Variants in RAB30 observed in about 807,000 individuals in gnomAD.
The protein encoded by RAB30 is ras-related protein Rab-30.
Under a neutral mutation model 25.1 loss-of-function variants are expected in RAB30, and 9 were observed. The observed-to-expected ratio is 0.36, with a 90% CI of 0.22 to 0.63. RAB30 has a LOEUF of 0.63. Among genes scored for constraint, RAB30 ranks in the 20% least tolerant of loss-of-function variants. The pLI, the probability that RAB30 is intolerant of heterozygous loss-of-function variation, is 0.69. For missense variants in RAB30, 140 were observed against 243.5 expected, an observed-to-expected ratio of 0.58 and a Z score of 2.83; for synonymous variants, 77 against 86.4, an observed-to-expected ratio of 0.89 and a Z score of 0.60.
chr11:83,003,815 A>T (rs944373946), intron 1 of RAB30, among the ~76,000 whole-genome samples: 2 of 152,066 alleles, frequency 1.3e-5, no homozygotes, highest in Admixed American at 6.6e-5. Context: ...AATTATATAA[A>T]TTTTTTTCTA....
intron 1 of RAB30, among the ~76,000 whole-genome samples, chr11:83,001,991 T>C (rs1048214505): frequency 3.3e-5 from 5 of 152,188 alleles, no homozygotes; most frequent in Non-Finnish European, 5.9e-5. Context: ...CATATTATTA[T>C]CCCTAACTTG....
chr11:82,976,120 G>A lies in RAB30; in HGVS notation c.*6045C>T, dbSNP rs766032247. ...ACAGTAGTAATGCCCAAAGGCAAAA[G>A]GATGGATCAGACAAATGAATTCCTT... On this transcript the variant is annotated 3_prime_UTR_variant, in exon 5 of 5. Transcript: ENST00000527633. 6 of 152,126 alleles carry A rather than the reference G, an allele frequency of 3.9e-5. No homozygotes were observed. The highest frequency in any genetic ancestry group is 8.8e-5 in the Non-Finnish European group (6 of 67,996). The allele number at this position is 152,126 out of a possible 1,614,324, so 9.4% of individuals were successfully genotyped here. A position where few individuals can be genotyped will look rare whatever the true frequency, so the allele number is the denominator to read the frequency against.
chr11:82,978,743 T>C lies in RAB30; in HGVS notation c.*3422A>G, dbSNP rs769161214. 1 of 152,156 alleles carries C rather than the reference T, an allele frequency of 6.6e-6. No individual in the cohort carries two copies. The highest frequency in any genetic ancestry group is 1.5e-5 in the Non-Finnish European group (1 of 68,016). The allele number at this position is 152,156 out of a possible 1,614,324, so 9.4% of individuals were successfully genotyped here. A position where few individuals can be genotyped will look rare whatever the true frequency, so the allele number is the denominator to read the frequency against. ...AGTGTCCTCCCAAGGCATATATTCA[T>C]GAATGAAAGAAGATAAGAACCCAGT... On this transcript the variant is annotated 3_prime_UTR_variant, in exon 5 of 5. Transcript: ENST00000527633.
chr11:83,016,557 A>G (rs1038826014), intron 1 of RAB30, among the ~76,000 whole-genome samples: 7 of 152,232 alleles, frequency 4.6e-5, no homozygotes, highest in African/African-American at 1.7e-4. Flanking sequence ...CTAATTACAA[A>G]TTACAAAGAT....
chr11:83,051,682 G>GT (rs1858360587), intron 1 of RAB30, among the ~76,000 whole-genome samples: 1 of 150,052 alleles, frequency 6.7e-6, no homozygotes, highest in Non-Finnish European at 1.5e-5. Flanking sequence ...AGCACTTACA[G>GT]TTAAAAAAAA....
intron 3 of RAB30, among the ~76,000 whole-genome samples, chr11:82,990,266 C>A (rs1442023848): frequency 6.6e-6 from 1 of 152,198 alleles, no homozygotes; most frequent in Non-Finnish European, 1.5e-5. Context: ...TCTTTGAGAG[C>A]AAAGGCTGTC....
At chr11:83,038,685 G>C (rs971913392) in intron 1 of RAB30, 2 of 152,138 alleles carry the variant, frequency 1.3e-5, no homozygotes, top group African/African-American at 4.8e-5. Context: ...GCCAGGCATG[G>C]TGGTGGGCGC....
chr11:83,034,409 G>C (rs1857943157), intron 1 of RAB30: 1 of 152,228 alleles, frequency 6.6e-6, no homozygotes, highest in Non-Finnish European at 1.5e-5. Context: ...CAAAGAGCAG[G>C]GAAGAAAATC....
intron 1 of RAB30, among the ~76,000 whole-genome samples, chr11:83,003,773 T>C (rs1352266388): frequency 1.3e-5 from 2 of 151,984 alleles, no homozygotes; most frequent in Non-Finnish European, 2.9e-5. Context: ...TTATTACAAA[T>C]TTGTTAATTT....
intron 1 of RAB30, among the ~76,000 whole-genome samples, chr11:83,023,000 C>T (rs886414143): frequency 2.6e-5 from 4 of 151,646 alleles, no homozygotes; most frequent in African/African-American, 9.7e-5. Flanking sequence ...TATATATACA[C>T]ATACACACAA....
rs1856578154 is a variant in RAB30 at position 82,978,231 on chromosome 11, AAAAG to A, written c.*3930_*3933del. 6.6e-6 allele frequency: 1 copy of A among 152,226 alleles called. No homozygotes were observed. The highest frequency in any genetic ancestry group is 6.5e-5 in the Admixed American group (1 of 15,280). The allele number at this position is 152,226 out of a possible 1,614,324, so 9.4% of individuals were successfully genotyped here. On this transcript the variant is annotated 3_prime_UTR_variant, in exon 5 of 5. Coordinates refer to ENST00000527633, the MANE Select transcript of RAB30 (RefSeq NM_001286060.2). ...CAACAACAACAAAAAATTTTGGAAA[AAAAG>A]GAATGGCAAACTCTAGAAGATCTCT...
chr11:83,021,999 T>C (rs1857589421), intron 1 of RAB30, among the ~76,000 whole-genome samples: 1 of 152,226 alleles, frequency 6.6e-6, no homozygotes. Context: ...CATAGCTCAA[T>C]GCATCATAGG....
chr11:83,042,745 C>T (rs571081586), intron 1 of RAB30, among the ~76,000 whole-genome samples: 1 of 152,038 alleles, frequency 6.6e-6, no homozygotes, highest in Non-Finnish European at 1.5e-5. Context: ...AGAATTCTTG[C>T]CCAAAATATT....
intron 1 of RAB30, among the ~76,000 whole-genome samples, chr11:83,045,446 G>A (rs992769602): frequency 6.6e-6 from 1 of 152,050 alleles, no homozygotes; most frequent in Non-Finnish European, 1.5e-5. Context: ...AACATTTATT[G>A]AACAAATTGT....
intron 1 of RAB30, chr11:83,041,238 C>T (rs1236290574): frequency 6.2e-6 from 1 of 160,822 alleles, no homozygotes; most frequent in African/African-American, 2.4e-5. Flanking sequence ...AAACGCCCCA[C>T]TTCTTTCAGA....
At chr11:83,023,693 T>C (rs2121512713) in intron 1 of RAB30, among the ~76,000 whole-genome samples, 1 of 152,332 alleles carries the variant, frequency 6.6e-6, no homozygotes, top group Middle Eastern at 3.4e-3. Context: ...TGGCTTCCCA[T>C]TTCAAAATCA....
chr11:83,066,083 T>C (rs895028989), intron 1 of RAB30, among the ~76,000 whole-genome samples: 1 of 152,128 alleles, frequency 6.6e-6, no homozygotes, highest in Non-Finnish European at 1.5e-5. Flanking sequence ...AAACTAAAAA[T>C]AAATTAACTG....
At chr11:82,998,546 TAAA>T (rs34769119) in intron 1 of RAB30, among the ~76,000 whole-genome samples, 2 of 108,074 alleles carry the variant, frequency 1.9e-5, no homozygotes, top group Admixed American at 1.0e-4. Flanking sequence ...AGACTCTGTC[TAAA>T]AAAAAAAAAA....
At chr11:83,040,276 G>T (rs1858077718) in intron 1 of RAB30, among the ~76,000 whole-genome samples, 1 of 152,182 alleles carries the variant, frequency 6.6e-6, no homozygotes, top group Non-Finnish European at 1.5e-5. Context: ...ATACAGTACA[G>T]AGAGTGATCA....
Sources: gnomAD v4.1 joint callset for allele counts (sites outside exome capture counted in the v4.1 genomes callset) on GRCh38, gnomAD v4.1.1 for gene constraint, MANE v1.5 for transcripts, NCBI Gene and HGNC (gene_info 2026-07-23, HGNC 2026-07-21) for gene names.